Variants in ZNF565 observed in about 807,000 individuals in gnomAD.
ZNF565 encodes the protein zinc finger protein 565.
In ZNF565, 27 loss-of-function variants were observed where a neutral mutation model predicts 39.4. The ratio of observed to expected loss-of-function variants is 0.69; its 90% CI spans 0.51 to 0.95. The LOEUF (loss-of-function observed/expected upper bound fraction) is 0.95, where lower values mean the gene tolerates loss of function less well. Among genes scored for constraint, ZNF565 ranks in the 40% least tolerant of loss-of-function variants. The pLI is 0.00. For synonymous variants in ZNF565, 185 were observed against 216.6 expected (o/e 0.85, Z 1.28); for missense variants, 524 against 621.1 (o/e 0.84, Z 1.66).
At chr19:36,201,373 A>G (rs1490033952) in intron 2 of ZNF565, among the ~76,000 whole-genome samples, 1 of 152,178 alleles carries the variant, frequency 6.6e-6, no homozygotes, top group Non-Finnish European at 1.5e-5. Flanking sequence ...AAACTACTTT[A>G]TTTCATGTTT....
chr19:36,230,574 C>T (rs1977289816), intron 1 of ZNF565, among the ~76,000 whole-genome samples: 1 of 152,044 alleles, frequency 6.6e-6, no homozygotes. Flanking sequence ...AGTGGGCGTG[C>T]AGCATTGGGT....
At chr19:36,212,081 A>C (rs541932872) in intron 1 of ZNF565, among the ~76,000 whole-genome samples, 1 of 152,348 alleles carries the variant, frequency 6.6e-6, no homozygotes, top group East Asian at 1.9e-4. Flanking sequence ...TACCACTCAT[A>C]GTGTAACGAA....
chr19:36,182,539 T>A lies in ZNF565; in HGVS notation c.1427A>T (p.Glu476Val). The A allele has an allele frequency of 6.2e-7, 1 of 1,611,940 alleles. No individual in the cohort carries two copies. Residue 476 changes from glutamate to valine, a missense_variant, in exon 5 of 5, where the codon GAA (glutamate) becomes GTA (valine). By Grantham distance (121) the Glu-to-Val change is moderately radical (BLOSUM62 -2). Coordinates refer to ENST00000304116, the MANE Select transcript of ZNF565 (RefSeq NM_152477.5). ...AAATGCCTGCCCACACTCTCTACAT[T>A]CGTAAGGTTTGATACCAGGATGAAT... ...QRIHPGIKPY[E>V]CRECGQAFIL...
At chr19:36,200,819 G>T (rs1465823026) in intron 2 of ZNF565, among the ~76,000 whole-genome samples, 1 of 145,276 alleles carries the variant, frequency 6.9e-6, no homozygotes, top group African/African-American at 2.5e-5. Context: ...GAGTCTCGCT[G>T]TGTCGCCCAA....
At chr19:36,223,600 T>A (rs1226151210) in intron 1 of ZNF565, among the ~76,000 whole-genome samples, 1 of 152,024 alleles carries the variant, frequency 6.6e-6, no homozygotes, top group Non-Finnish European at 1.5e-5. Context: ...CCTGACCTCG[T>A]GATCCGCCCG....
At chr19:36,187,116 G>A (rs1433806973) in intron 4 of ZNF565, among the ~76,000 whole-genome samples, 2 of 152,018 alleles carry the variant, frequency 1.3e-5, no homozygotes, top group Non-Finnish European at 2.9e-5. Flanking sequence ...CTTGAACCCA[G>A]GGGGCGGAGG....
intron 1 of ZNF565, among the ~76,000 whole-genome samples, chr19:36,241,239 A>G (rs988662492): frequency 6.6e-6 from 1 of 152,142 alleles, no homozygotes; most frequent in Non-Finnish European, 1.5e-5. Flanking sequence ...TAATCCCAGC[A>G]CTTTGGGAGG....
At chr19:36,188,835 T>C (rs1975418625) in intron 4 of ZNF565, among the ~76,000 whole-genome samples, 2 of 152,012 alleles carry the variant, frequency 1.3e-5, no homozygotes, top group Non-Finnish European at 2.9e-5. Context: ...CATACACACA[T>C]ACAATGGAAT....
At chr19:36,233,959 G>T (rs1257838604) in intron 1 of ZNF565, among the ~76,000 whole-genome samples, 2 of 150,204 alleles carry the variant, frequency 1.3e-5, no homozygotes, top group Non-Finnish European at 2.9e-5. Flanking sequence ...TTCCCGCGGG[G>T]CCATATTTCA....
chr19:36,244,598 A>G (rs1600011351), intron 1 of ZNF565, among the ~76,000 whole-genome samples: 1 of 152,100 alleles, frequency 6.6e-6, no homozygotes, highest in East Asian at 1.9e-4. Flanking sequence ...CACGCCTGTA[A>G]TTTCAGCACT....
intron 1 of ZNF565, among the ~76,000 whole-genome samples, chr19:36,202,316 G>A (rs965199878): frequency 4.6e-5 from 7 of 151,990 alleles, no homozygotes; most frequent in South Asian, 2.1e-4. Context: ...GCAGTGAGCC[G>A]AGACTGCACC....
chr19:36,187,537 A>G (rs1975350145), intron 4 of ZNF565, among the ~76,000 whole-genome samples: 1 of 151,088 alleles, frequency 6.6e-6, no homozygotes, highest in South Asian at 2.1e-4. Flanking sequence ...AATTTTTTGT[A>G]TTTTTGGTAG....
chr19:36,238,117 A>G (rs1977711906), intron 1 of ZNF565: 1 of 167,132 alleles, frequency 6.0e-6, no homozygotes, highest in Non-Finnish European at 1.5e-5. Flanking sequence ...ACAATATGGG[A>G]AATTCTTATG....
At chr19:36,225,939 T>A (rs1414392008) in intron 1 of ZNF565, among the ~76,000 whole-genome samples, 9 of 151,862 alleles carry the variant, frequency 5.9e-5, no homozygotes, top group African/African-American at 2.2e-4. Flanking sequence ...ATTTTTGGAT[T>A]TGAATTTTTT....
intron 2 of ZNF565, among the ~76,000 whole-genome samples, chr19:36,197,993 C>T (rs1975825677): frequency 1.3e-5 from 2 of 151,788 alleles, no homozygotes; most frequent in East Asian, 3.9e-4. Context: ...ACTAAAAATA[C>T]AAAAAATTAG....
rs141463029 is a variant in ZNF565, at chr19:36,184,342, C to T, written c.233-609G>A. Reference sequence around the variant, plus strand: ...AATGCAGTGGTACAATCTTGGCTCACGCAACCTCCGCCTCTTGGGTTCAAG... The same window carrying T: ...AATGCAGTGGTACAATCTTGGCTCATGCAACCTCCGCCTCTTGGGTTCAAG... On this transcript the variant is annotated intron_variant, in intron 4 of 4. Coordinates refer to ENST00000304116, the MANE Select transcript of ZNF565 (RefSeq NM_152477.5). Among the ~76,000 whole-genome samples the T allele has an allele frequency of 1.9e-3, 294 of 151,824 alleles. 1 individual carries two copies. The highest frequency in any genetic ancestry group is 0.014 in the Middle Eastern group (4 of 294).
At chr19:36,184,621 C>G (rs1975224494) in intron 4 of ZNF565, among the ~76,000 whole-genome samples, 1 of 152,108 alleles carries the variant, frequency 6.6e-6, no homozygotes, top group South Asian at 2.1e-4. Flanking sequence ...CAGTCACTCC[C>G]CATTCCCTAT....
At chr19:36,235,956 C>G in intron 1 of ZNF565, 1 of 155,762 alleles carries the variant, frequency 6.4e-6, no homozygotes, top group South Asian at 1.9e-4. Context: ...TATTAACCCC[C>G]TTTAAGTGTA....
intron 1 of ZNF565, among the ~76,000 whole-genome samples, chr19:36,240,156 A>T (rs12104412): frequency 0.04 from 6,019 of 152,320 alleles, 370 homozygotes; most frequent in African/African-American, 0.14. Context: ...TTATCAACGA[A>T]CCCTGGATGG....
Sources: gnomAD v4.1 joint callset for allele counts (sites outside exome capture counted in the v4.1 genomes callset) on GRCh38, gnomAD v4.1.1 for gene constraint, MANE v1.5 for transcripts, NCBI Gene and HGNC (gene_info 2026-07-23, HGNC 2026-07-21) for gene names.